Variants in MRPL43 observed in about 807,000 individuals in gnomAD.
MRPL43 encodes mitochondrial ribosomal protein L43.
In MRPL43, 9 loss-of-function variants were observed where a neutral mutation model predicts 12.7. The ratio of observed to expected loss-of-function variants is 0.71; its 90% CI spans 0.43 to 1.24. The LOEUF (loss-of-function observed/expected upper bound fraction) is 1.24. MRPL43 is among the 50% of genes most tolerant of loss of function. MRPL43 has a pLI of 0.00. For missense variants in MRPL43, 211 were observed against 229.2 expected (o/e 0.92, Z 0.51); for synonymous variants, 116 against 96.4 (o/e 1.20, Z -1.19).
At chr10:100,977,919 G>A (rs111960093), downstream of MRPL43, 1,409 of 597,738 alleles carry the variant, frequency 2.4e-3, 15 homozygotes, top group African/African-American at 0.024. Context: ...AAACCATGCA[G>A]TTTTTATAGC....
chr10:100,978,262 G>A (rs529001904), downstream of MRPL43: 20 of 1,561,314 alleles, frequency 1.3e-5, no homozygotes, highest in Middle Eastern at 2.0e-4. Context: ...GCCTGTCTTC[G>A]GAACCACTTA....
downstream of MRPL43, chr10:100,980,997 G>T (rs752779759): frequency 1.3e-5 from 20 of 1,593,086 alleles, 1 homozygote; most frequent in South Asian, 2.2e-4. Flanking sequence ...CAGGGAAGCA[G>T]GTGGGAAGTG....
At chr10:100,984,843 G>A, downstream of MRPL43, 1 of 1,507,226 alleles carries the variant, frequency 6.6e-7, no homozygotes, top group Non-Finnish European at 8.9e-7. Flanking sequence ...TTCCTGTGTG[G>A]CCCTTGTGAA....
chr10:100,979,946 G>A (rs553537753), downstream of MRPL43: 8 of 1,614,110 alleles, frequency 5.0e-6, no homozygotes, highest in Admixed American at 6.7e-5. Flanking sequence ...GGTTCCCGGC[G>A]CTGGGGTCGC....
rs1851504668 is a variant in MRPL43, at chr10:100,986,760, C to T, written c.454G>A (p.Ala152Thr). 3 of 1,613,828 alleles carry T rather than the reference C, an allele frequency of 1.9e-6. No homozygotes were observed. The highest frequency in any genetic ancestry group is 2.5e-6 in the Non-Finnish European group (3 of 1,180,004). ...CACTGTGCTTGCACCTGGGCTGGGG[C>T]AGGATCCTGAACCTCTCGGGGGCGT... ...GLRPREVQDP[A>T]PAQVQAQ Residue 152 changes from alanine (A) to threonine (T), a missense_variant, in exon 3 of 3, where the codon GCC becomes ACC. Physicochemically the swap from Ala to Thr is moderately conservative, Grantham distance 58 (BLOSUM62 0). Transcript: ENST00000318364.
chr10:100,981,610 C>T (rs2133891167), downstream of MRPL43: 1 of 1,575,796 alleles, frequency 6.3e-7, no homozygotes, highest in African/African-American at 1.3e-5. Flanking sequence ...GTGCCAGACA[C>T]TGATCTAAAT....
chr10:100,987,293 G>A lies in MRPL43; in HGVS notation c.131+20C>T. The A allele has an allele frequency of 6.2e-7, 1 of 1,612,016 alleles. No individual in the cohort carries two copies. The highest frequency in any genetic ancestry group is 8.5e-7 in the Non-Finnish European group (1 of 1,179,840). The stretch of plus-strand genomic sequence containing the variant: ...TCCACACCCACCCCGACCCGCGCCT[G>A]CGCACTTCCCTTGGCTCACCTGGCG... On this transcript the variant is annotated intron_variant, in intron 1 of 2. Coordinates refer to ENST00000318364, the MANE Select transcript of MRPL43 (RefSeq NM_032112.3).
chr10:100,983,923 C>A, downstream of MRPL43: 11 of 1,591,444 alleles, frequency 6.9e-6, no homozygotes, highest in Non-Finnish European at 9.4e-6. Flanking sequence ...CCCCCACCGC[C>A]CCCACCGCCA....
At chr10:100,980,806 C>T, downstream of MRPL43, 1 of 1,564,070 alleles carries the variant, frequency 6.4e-7, no homozygotes, top group Non-Finnish European at 8.6e-7. Flanking sequence ...GACCAACTGT[C>T]CTATCTGGCT....
At chr10:100,978,061 A>G (rs1850878393), downstream of MRPL43, 1 of 579,878 alleles carries the variant, frequency 1.7e-6, no homozygotes, top group Non-Finnish European at 3.1e-6. Context: ...TTCTTCATAG[A>G]TAAGGAGTGA....
downstream of MRPL43, chr10:100,981,394 T>C: frequency 6.2e-7 from 1 of 1,612,890 alleles, no homozygotes; most frequent in Non-Finnish European, 8.5e-7. Context: ...CAACAAACAT[T>C]TACTGCCCAA....
At chr10:100,985,359 C>T (rs1443718900), downstream of MRPL43, 1 of 156,394 alleles carries the variant, frequency 6.4e-6, no homozygotes, top group East Asian at 1.9e-4. Flanking sequence ...TCTGACTGAG[C>T]TCCCCCATTC....
chr10:100,983,876 C>G (rs539199769), downstream of MRPL43: 1 of 1,557,752 alleles, frequency 6.4e-7, no homozygotes, highest in South Asian at 1.2e-5. Context: ...GCAGCTGTCT[C>G]CAGATCATCC....
At chr10:100,983,957 G>A (rs752836080), downstream of MRPL43, 2 of 1,600,020 alleles carry the variant, frequency 1.2e-6, no homozygotes, top group South Asian at 1.1e-5. Context: ...CCAATGGCTT[G>A]GTGGCACTGC....
downstream of MRPL43, chr10:100,983,289 C>T: frequency 4.6e-6 from 7 of 1,512,340 alleles, no homozygotes; most frequent in Non-Finnish European, 6.2e-6. Context: ...ACTGACCTCT[C>T]CCCCAAACCC....
downstream of MRPL43, chr10:100,978,305 C>G (rs149008935): frequency 1.8e-5 from 29 of 1,612,736 alleles, 1 homozygote; most frequent in Middle Eastern, 3.4e-4. Context: ...GATGCTGAGG[C>G]CTTCACCTTG....
chr10:100,987,392 C>T lies in MRPL43; in HGVS notation c.52G>A (p.Gly18Arg), dbSNP rs745761228. The T allele has an allele frequency of 1.7e-5, 27 of 1,612,502 alleles. 1 individual carries two copies. The highest frequency in any genetic ancestry group is 2.1e-5 in the Non-Finnish European group (25 of 1,179,946). Reference protein sequence around the residue: ...SRFLASVLHNGLGRYVQQLQR... With the variant: ...SRFLASVLHNRLGRYVQQLQR... ...AGCTGCTGCACATAGCGACCCAGTC[C>T]GTTGTGGAGAACGCTGGCCAAGAAG... Residue 18 changes from glycine (G) to arginine (R), a missense_variant, in exon 1 of 3, where the codon GGA becomes AGA. Coordinates refer to ENST00000318364, the MANE Select transcript of MRPL43 (RefSeq NM_032112.3).
chr10:100,983,748 T>A, downstream of MRPL43: 1 of 1,612,958 alleles, frequency 6.2e-7, no homozygotes, highest in Non-Finnish European at 8.5e-7. Flanking sequence ...CCGACGGAAA[T>A]ACTCACTGGG....
At chr10:100,984,455 C>T (rs1006521433), downstream of MRPL43, 1 of 1,517,260 alleles carries the variant, frequency 6.6e-7, no homozygotes, top group Non-Finnish European at 8.8e-7. Context: ...CCTCCTGTTC[C>T]ATTCATCTGC....
Sources: gnomAD v4.1 joint callset for allele counts on GRCh38, gnomAD v4.1.1 for gene constraint, MANE v1.5 for transcripts, NCBI Gene and HGNC (gene_info 2026-07-23, HGNC 2026-07-21) for gene names.